The following AUTS2 variants were observed in gnomAD, a reference collection of about 807,000 sequenced individuals.
AUTS2 encodes the protein activator of transcription and developmental regulator AUTS2.
AUTS2 carries 17 observed loss-of-function variants against 112.4 expected under a neutral mutation model. The ratio of observed to expected loss-of-function variants is 0.15; its 90% CI spans 0.10 to 0.23. AUTS2 has a LOEUF of 0.23. AUTS2 is among the 10% of genes least tolerant of loss of function. The probability of loss-of-function intolerance (pLI) is 1.00; values close to 1 mark genes in which losing one functional copy is unlikely to be tolerated. For synonymous variants in AUTS2, 751 were observed against 702.7 expected, an observed-to-expected ratio of 1.07 and a Z score of -1.09; for missense variants, 1,510 against 1,701.6, an observed-to-expected ratio of 0.89 and a Z score of 1.98.
intron 1 of AUTS2, among the ~76,000 whole-genome samples, chr7:69,782,492 A>G (rs1789185499): frequency 6.6e-6 from 1 of 151,830 alleles, no homozygotes; most frequent in Admixed American, 6.6e-5. Flanking sequence ...GACCACAGGG[A>G]ATTTATTTGT....
At chr7:70,050,029 T>C (rs1056530881) in intron 2 of AUTS2, among the ~76,000 whole-genome samples, 11 of 152,094 alleles carry the variant, frequency 7.2e-5, no homozygotes, top group Admixed American at 7.2e-4. Flanking sequence ...CTGAAGCCTT[T>C]TTGTAAATTT....
At chr7:69,611,899 C>T (rs1278428433) in intron 1 of AUTS2, among the ~76,000 whole-genome samples, 2 of 145,350 alleles carry the variant, frequency 1.4e-5, no homozygotes, top group African/African-American at 5.2e-5. Context: ...CACTGCAGTC[C>T]GCAGTCCGGC....
At chr7:70,651,965 G>A (rs955093554) in intron 5 of AUTS2, among the ~76,000 whole-genome samples, 1 of 152,144 alleles carries the variant, frequency 6.6e-6, no homozygotes, top group African/African-American at 2.4e-5. Flanking sequence ...GGTGAGGGAT[G>A]TTTCTATGTG....
rs145362164 is a variant in AUTS2, at chr7:70,614,656, G to A, written c.691-83913G>A. Among the ~76,000 whole-genome samples, 332 of 152,224 alleles carry A rather than the reference G, an allele frequency of 2.2e-3. 2 individuals carry two copies. Among genetic ancestry groups the A allele is most frequent in the African/African-American group, 7.7e-3 (319 of 41,546 alleles). On this transcript the variant is annotated intron_variant, in intron 5 of 18. Coordinates refer to ENST00000342771, the MANE Select transcript of AUTS2 (RefSeq NM_015570.4). ...CTCTCTGCTGCACCCCCACCCCCAC[G>A]CTGGCCTTCTTAGCCTGGGTCTGGC...
At position 70,791,714 on chromosome 7, in the gene AUTS2, T is replaced by C. The variant is rs1324288869; in HGVS notation, c.*718T>C. On this transcript the variant is annotated 3_prime_UTR_variant, in exon 19 of 19. Coordinates refer to ENST00000342771, the MANE Select transcript of AUTS2 (RefSeq NM_015570.4). ...TCCCTGAACAAGCGCTTACGTGATA[T>C]GACTCTGTTTTCCTTGCTTGTTTTT... 9.2e-5 allele frequency: 14 copies of C among 152,460 alleles called. No individual in the cohort carries two copies. The highest frequency in any genetic ancestry group is 8.5e-4 in the Admixed American group (13 of 15,278). The allele number at this position is 152,460 out of a possible 1,614,324, so 9.4% of individuals were successfully genotyped here. A position where few individuals can be genotyped will look rare whatever the true frequency, so the allele number is the denominator to read the frequency against.
At chr7:69,659,671 C>G (rs1795705998) in intron 1 of AUTS2, among the ~76,000 whole-genome samples, 1 of 141,746 alleles carries the variant, frequency 7.1e-6, no homozygotes, top group African/African-American at 2.6e-5. Context: ...CAGTTAGCAG[C>G]CAGAGCCAAG....
chr7:70,095,177 A>T (rs1478472607), intron 2 of AUTS2, among the ~76,000 whole-genome samples: 1 of 152,200 alleles, frequency 6.6e-6, no homozygotes, highest in Non-Finnish European at 1.5e-5. Context: ...CCTGCTCCAG[A>T]CAAGCAGATA....
Position 70,040,245 on chromosome 7 carries a change from G to T in AUTS2, c.523-77887G>T, listed in dbSNP as rs559443727. On this transcript the variant is annotated intron_variant, in intron 2 of 18. Coordinates refer to ENST00000342771, the MANE Select transcript of AUTS2 (RefSeq NM_015570.4). ...ATGTGTCAGTCTAGACTCATCCATT[G>T]TAACTATGTACCAGTCCTGTGGGGA... 5.9e-5 allele frequency among the ~76,000 whole-genome samples: 9 copies of T among 152,296 alleles called. No individual in the cohort carries two copies. In the South Asian group the frequency reaches 1.9e-3, roughly 32 times the overall value.
chr7:69,765,952 A>C (rs1321317881), intron 1 of AUTS2, among the ~76,000 whole-genome samples: 1 of 152,188 alleles, frequency 6.6e-6, no homozygotes, highest in Non-Finnish European at 1.5e-5. Flanking sequence ...GTCTCAAAAA[A>C]AGAATTAAAA....
chr7:69,815,916 T>C (rs1284807392), intron 1 of AUTS2, among the ~76,000 whole-genome samples: 2 of 152,232 alleles, frequency 1.3e-5, no homozygotes, highest in Non-Finnish European at 2.9e-5. Flanking sequence ...TTCACGCTGT[T>C]TACTCTAAGA....
chr7:70,125,101 A>C (rs1222075594), intron 3 of AUTS2, among the ~76,000 whole-genome samples: 3 of 151,838 alleles, frequency 2.0e-5, no homozygotes, highest in Non-Finnish European at 4.4e-5. Flanking sequence ...TCTCCTCACT[A>C]TGGGTCATAT....
At chr7:70,113,466 G>T (rs912881626) in intron 2 of AUTS2, among the ~76,000 whole-genome samples, 19 of 152,130 alleles carry the variant, frequency 1.2e-4, no homozygotes, top group African/African-American at 3.6e-4. Context: ...CTGCTTTGAT[G>T]GTAGTGTAGT....
chr7:70,007,407 C>CT (rs1373011855), intron 2 of AUTS2, among the ~76,000 whole-genome samples: 5 of 151,750 alleles, frequency 3.3e-5, no homozygotes, highest in South Asian at 4.2e-4. Context: ...TTCCTTGTAG[C>CT]TTTTTTTTAG....
At chr7:69,720,679 CAG>C (rs1278510024) in intron 1 of AUTS2, among the ~76,000 whole-genome samples, 1 of 152,052 alleles carries the variant, frequency 6.6e-6, no homozygotes, top group Non-Finnish European at 1.5e-5. Context: ...TTTAGAGTAA[CAG>C]AGGAAAAATT....
At chr7:70,339,286 G>A (rs1268714413) in intron 4 of AUTS2, among the ~76,000 whole-genome samples, 2 of 152,030 alleles carry the variant, frequency 1.3e-5, no homozygotes, top group East Asian at 1.9e-4. Flanking sequence ...AATTCTTATT[G>A]TTATTATCTC....
At position 70,599,891 on chromosome 7, in the gene AUTS2, TG is replaced by T. The variant is rs1159791913; in HGVS notation, c.691-98675del. Among the ~76,000 whole-genome samples, 7 of 152,346 alleles carry T rather than the reference TG, an allele frequency of 4.6e-5. No individual in the cohort carries two copies. In the East Asian group the frequency reaches 9.7e-4, roughly 21 times the overall value. On this transcript the variant is annotated intron_variant, in intron 5 of 18. Coordinates refer to ENST00000342771, the MANE Select transcript of AUTS2 (RefSeq NM_015570.4). The stretch of plus-strand genomic sequence containing the variant: ...GCAAGTCTGTCATTAGACAGGGATC[TG>T]GGTAGCTCATCACAGTGTCCACCAC...
chr7:69,648,979 A>G (rs984556645), intron 1 of AUTS2, among the ~76,000 whole-genome samples: 7 of 152,178 alleles, frequency 4.6e-5, no homozygotes, highest in African/African-American at 1.7e-4. Flanking sequence ...AGAGGGTTTA[A>G]TCACTCCAAG....
intron 15 of AUTS2, chr7:70,784,558 T>G (rs1381342442): frequency 5.5e-6 from 1 of 182,208 alleles, no homozygotes; most frequent in Non-Finnish European, 1.1e-5. Context: ...TTGCTTAGCT[T>G]TTTTTAATCC....
chr7:70,208,029 A>C (rs976590913), intron 4 of AUTS2, among the ~76,000 whole-genome samples: 1 of 151,232 alleles, frequency 6.6e-6, no homozygotes, highest in African/African-American at 2.4e-5. Flanking sequence ...AAAAAAAAAA[A>C]AAAAACCAAC....
Sources: allele counts gnomAD v4.1 joint callset (sites outside exome capture counted in the v4.1 genomes callset), GRCh38; gene constraint gnomAD v4.1.1; transcripts MANE v1.5; gene names NCBI Gene and HGNC (gene_info 2026-07-23, HGNC 2026-07-21).